Variants in CSMD1 observed in about 807,000 individuals in gnomAD.
CSMD1 encodes CUB and Sushi multiple domains 1.
In CSMD1, 213 loss-of-function variants were observed where a neutral mutation model predicts 417.5. The ratio of observed to expected loss-of-function variants is 0.51; its 90% CI spans 0.46 to 0.57. CSMD1 has a LOEUF of 0.57. CSMD1 is among the 20% of genes least tolerant of loss of function. The pLI is 0.00. For missense variants in CSMD1, 6,923 were observed against 4,529.7 expected, an observed-to-expected ratio of 1.53 and a Z score of -15.17; for synonymous variants, 2,862 against 1,736.8, an observed-to-expected ratio of 1.65 and a Z score of -16.11.
intron 6 of CSMD1, among the ~76,000 whole-genome samples, chr8:3,731,828 C>T (rs1796280001): frequency 6.6e-6 from 1 of 152,074 alleles, no homozygotes; most frequent in South Asian, 2.1e-4. Flanking sequence ...CTCCTCACCA[C>T]CCATGAGTGA....
intron 1 of CSMD1, among the ~76,000 whole-genome samples, chr8:4,755,013 C>T (rs1307806648): frequency 6.6e-6 from 1 of 152,106 alleles, no homozygotes; most frequent in Non-Finnish European, 1.5e-5. Context: ...TGGCATGTGC[C>T]TGTGATCCCA....
intron 1 of CSMD1, among the ~76,000 whole-genome samples, chr8:4,959,075 C>A (rs534795771): frequency 1.6e-4 from 24 of 152,182 alleles, no homozygotes; most frequent in Admixed American, 2.6e-4. Flanking sequence ...ATGATTTCAT[C>A]TAGAGGGAAA....
chr8:4,620,907 A>C (rs978786042), intron 2 of CSMD1, among the ~76,000 whole-genome samples: 10 of 152,154 alleles, frequency 6.6e-5, no homozygotes, highest in Non-Finnish European at 1.2e-4. Context: ...AAGTAAAAAA[A>C]AATAGGCAAC....
intron 26 of CSMD1, among the ~76,000 whole-genome samples, chr8:3,248,418 C>G (rs957752822): frequency 6.6e-6 from 1 of 150,418 alleles, no homozygotes; most frequent in African/African-American, 2.4e-5. Context: ...ACTGGAGTTT[C>G]AGAAGAATAA....
intron 5 of CSMD1, among the ~76,000 whole-genome samples, chr8:3,950,254 T>G (rs111951547): frequency 0.021 from 3,252 of 152,286 alleles, 136 homozygotes; most frequent in African/African-American, 0.072. Context: ...GATGAATTAG[T>G]AGTTTGATAC....
intron 5 of CSMD1, among the ~76,000 whole-genome samples, chr8:3,910,318 C>T (rs907505020): frequency 6.6e-6 from 1 of 152,140 alleles, no homozygotes; most frequent in Admixed American, 6.5e-5. Flanking sequence ...TCAGAGCATG[C>T]CTGTGTCCTG....
chr8:3,728,301 A>G (rs1046560208), intron 6 of CSMD1, among the ~76,000 whole-genome samples: 12 of 151,952 alleles, frequency 7.9e-5, no homozygotes, highest in Non-Finnish European at 1.6e-4. Flanking sequence ...CTCTTCCTTC[A>G]TCTTCCACCA....
intron 1 of CSMD1, among the ~76,000 whole-genome samples, chr8:4,893,832 G>A (rs985110132): frequency 2.4e-4 from 37 of 152,108 alleles, no homozygotes; most frequent in African/African-American, 8.9e-4. Context: ...ATCTGGAACG[G>A]TGAGTAGCAT....
chr8:4,077,938 A>G (rs1435400385), intron 3 of CSMD1, among the ~76,000 whole-genome samples: 1 of 152,092 alleles, frequency 6.6e-6, no homozygotes, highest in Non-Finnish European at 1.5e-5. Context: ...AAAATCCTTT[A>G]CATACCCATA....
At chr8:4,332,943 C>T (rs939108033) in intron 3 of CSMD1, among the ~76,000 whole-genome samples, 1 of 94,966 alleles carries the variant, frequency 1.1e-5, no homozygotes, top group African/African-American at 6.4e-5. Context: ...TTATAAAAAT[C>T]TAAAAAAAAA....
chr8:4,330,011 C>A (rs1461032411), intron 3 of CSMD1, among the ~76,000 whole-genome samples: 1 of 152,220 alleles, frequency 6.6e-6, no homozygotes, highest in East Asian at 1.9e-4. Context: ...GCTTCCTGTA[C>A]AGCATGCAGA....
intron 26 of CSMD1, among the ~76,000 whole-genome samples, chr8:3,260,048 G>C (rs944604298): frequency 6.6e-6 from 1 of 151,930 alleles, no homozygotes; most frequent in Non-Finnish European, 1.5e-5. Context: ...GCTCCTCCCC[G>C]GTACAGAACT....
intron 20 of CSMD1, among the ~76,000 whole-genome samples, chr8:3,363,407 T>G (rs1047701288): frequency 6.6e-6 from 1 of 152,188 alleles, no homozygotes; most frequent in African/African-American, 2.4e-5. Context: ...CTGTATTATA[T>G]AGAAGAAAAC....
chr8:3,671,033 T>C (rs1454843296), intron 7 of CSMD1, among the ~76,000 whole-genome samples: 2 of 137,448 alleles, frequency 1.5e-5, no homozygotes, highest in African/African-American at 5.1e-5. Context: ...GATATATGCA[T>C]ATGGGATATA....
Position 3,532,311 on chromosome 8 carries a change from G to T in CSMD1, c.1345-38585C>A, listed in dbSNP as rs115771438. 4.5e-3 allele frequency among the ~76,000 whole-genome samples: 685 copies of T among 152,226 alleles called. 9 individuals are homozygous for T. Among genetic ancestry groups the T allele is most frequent in the African/African-American group, 0.016 (666 of 41,540 alleles). ...TGGTGTCACTGGCTGGCTCTTCTGG[G>T]ACATCAGCCAGGGTTTTAAGAATCT... On this transcript the variant is annotated intron_variant, in intron 10 of 69. Transcript: ENST00000635120.
At chr8:4,840,669 G>C (rs1053153768) in intron 1 of CSMD1, among the ~76,000 whole-genome samples, 15 of 152,094 alleles carry the variant, frequency 9.9e-5, no homozygotes, top group African/African-American at 1.7e-4. Context: ...TCCCAAAAAA[G>C]GTGCCTGTTA....
intron 3 of CSMD1, among the ~76,000 whole-genome samples, chr8:4,287,151 T>A (rs898058952): frequency 3.3e-5 from 5 of 152,370 alleles, no homozygotes; most frequent in African/African-American, 1.2e-4. Context: ...TGTGGAACTA[T>A]GTGGACAGAT....
intron 23 of CSMD1, among the ~76,000 whole-genome samples, chr8:3,312,159 G>T (rs565364626): frequency 1.1e-4 from 17 of 151,890 alleles, no homozygotes; most frequent in Non-Finnish European, 1.8e-4. Flanking sequence ...ACTTTACTTG[G>T]GTTGCATTTT....
At chr8:3,714,448 C>G (rs920595377) in intron 6 of CSMD1, among the ~76,000 whole-genome samples, 1 of 150,556 alleles carries the variant, frequency 6.6e-6, no homozygotes, top group Non-Finnish European at 1.5e-5. Flanking sequence ...TTTGACCAGG[C>G]ATGGTGGTTC....
Sources: gnomAD v4.1 joint callset for allele counts (sites outside exome capture counted in the v4.1 genomes callset) on GRCh38, gnomAD v4.1.1 for gene constraint, MANE v1.5 for transcripts, NCBI Gene and HGNC (gene_info 2026-07-23, HGNC 2026-07-21) for gene names.